Variants in REPS2 observed in about 807,000 individuals in gnomAD.
The protein encoded by REPS2 is RALBP1 associated Eps domain containing 2, also known as ralBP1-associated Eps domain-containing protein 2.
REPS2 carries 23 observed loss-of-function variants against 53.6 expected under a neutral mutation model. The observed-to-expected ratio is 0.43, with a 90% CI of 0.31 to 0.61. REPS2 has a LOEUF of 0.61. REPS2 is among the 20% of genes least tolerant of loss of function. The pLI, the probability that REPS2 is intolerant of heterozygous loss-of-function variation, is 0.11. For synonymous variants in REPS2, 238 were observed against 218.6 expected (o/e 1.09, Z -0.78); for missense variants, 446 against 534.9 (o/e 0.83, Z 1.64).
chrX:17,192,111 C>G, the REPS2 span, among the ~76,000 whole-genome samples: 4 of 112,580 alleles, frequency 3.6e-5, no homozygotes, highest in Non-Finnish European at 7.5e-5. Context: ...AAATATCTCT[C>G]TCTCTCATTT....
intron 1 of REPS2, among the ~76,000 whole-genome samples, chrX:16,964,001 A>G (rs1293422687): frequency 1.8e-5 from 2 of 108,559 alleles, no homozygotes; most frequent in African/African-American, 6.7e-5. Context: ...CCTTTGGGCA[A>G]TTTTTTTTTA....
At chrX:16,990,461 G>C (rs1412339075) in intron 1 of REPS2, among the ~76,000 whole-genome samples, 2 of 109,991 alleles carry the variant, frequency 1.8e-5, no homozygotes, top group African/African-American at 6.6e-5. Flanking sequence ...AATACAAAAA[G>C]TAGCTGGGTG....
intron 14 of REPS2, among the ~76,000 whole-genome samples, chrX:17,116,848 AT>A (rs2063063074): frequency 9.0e-6 from 1 of 111,427 alleles, no homozygotes; most frequent in African/African-American, 3.3e-5. Context: ...TGCCTTTTTT[AT>A]TTGGCTGTTC....
intron 6 of REPS2, 70 bp downstream of exon 6, chrX:17,047,552 C>T (rs1229670682): frequency 5.4e-6 from 6 of 1,113,393 alleles, no homozygotes; most frequent in Non-Finnish European, 7.3e-6. Context: ...ATCATTCACG[C>T]AAAATGAGTA....
intron 4 of REPS2, among the ~76,000 whole-genome samples, chrX:17,029,163 T>C (rs2147865695): frequency 8.9e-6 from 1 of 111,841 alleles, no homozygotes; most frequent in Non-Finnish European, 1.9e-5. Flanking sequence ...TGGAAGACAT[T>C]TACTTAGGGG....
intron 5 of REPS2, among the ~76,000 whole-genome samples, chrX:17,030,759 A>G: frequency 8.9e-6 from 1 of 112,499 alleles, no homozygotes; most frequent in Non-Finnish European, 1.9e-5. Flanking sequence ...GAGAGAGGTC[A>G]AATAGCTGGT....
At position 17,019,238 on chromosome X, in the gene REPS2, A is replaced by C. The variant is rs142203055; in HGVS notation, c.398-2885A>C. 5.8e-3 allele frequency among the ~76,000 whole-genome samples: 653 copies of C among 112,536 alleles called. 2 individuals are homozygous for C. The highest frequency in any genetic ancestry group is 0.01 in the Non-Finnish European group (539 of 53,308). On this transcript the variant is annotated intron_variant, in intron 2 of 17. Transcript: ENST00000357277. ...TTGTGGAAGGGAAAAATAGTCATTT[A>C]TGTTTAATATACAAAGCATTTCTGT... is the stretch of plus-strand genomic sequence containing the variant.
Position 16,991,882 on chromosome X carries a change from GCTGATTCT to G in REPS2, c.274-14337_274-14330del, listed in dbSNP as rs1176558626. The stretch of plus-strand genomic sequence containing the variant: ...CAAGAAGCCAGGTGAGACACATGGA[GCTGATTCT>G]CCCTCACAGCCCTTAGAAGGAACGT... On this transcript the variant is annotated intron_variant, in intron 1 of 17. Coordinates refer to ENST00000357277, the MANE Select transcript of REPS2 (RefSeq NM_004726.3). Among the ~76,000 whole-genome samples the G allele has an allele frequency of 2.7e-5, 3 of 111,535 alleles. No homozygotes were observed. The East Asian group carries it at 8.4e-4, about 31-fold the overall frequency.
chrX:17,022,996 G>A (rs2061594423), intron 3 of REPS2, among the ~76,000 whole-genome samples: 1 of 112,194 alleles, frequency 8.9e-6, no homozygotes, highest in African/African-American at 3.2e-5. Flanking sequence ...AGATCCAGAA[G>A]AAGTAAATAG....
chrX:17,061,290 G>C (rs900450011), intron 8 of REPS2, among the ~76,000 whole-genome samples: 1 of 111,641 alleles, frequency 9.0e-6, no homozygotes, highest in African/African-American at 3.3e-5. Flanking sequence ...AGATAGACAC[G>C]TAGGTAGGTA....
chrX:17,023,352 C>T (rs889450823), intron 3 of REPS2, among the ~76,000 whole-genome samples: 25 of 109,252 alleles, frequency 2.3e-4, no homozygotes, highest in African/African-American at 8.0e-4. Context: ...GGCTTGAATC[C>T]GGGAGGCGGA....
intron 1 of REPS2, 58 bp downstream of exon 1, chrX:16,947,192 A>G: frequency 1.0e-6 from 1 of 956,964 alleles, no homozygotes; most frequent in Non-Finnish European, 1.3e-6. Flanking sequence ...GCGGGGGCGG[A>G]GGTTGCGAGT....
chrX:17,191,444 T>G, the REPS2 span, among the ~76,000 whole-genome samples: 3 of 112,491 alleles, frequency 2.7e-5, no homozygotes, highest in African/African-American at 9.7e-5. Flanking sequence ...TATCAAATGT[T>G]GACTAAGATG....
rs186098908 is a variant in REPS2, at chrX:17,085,025, T to G, written c.1516+7618T>G. Among the ~76,000 whole-genome samples, 38 of 112,463 alleles carry G rather than the reference T, an allele frequency of 3.4e-4. No homozygotes were observed. In the Admixed American group the frequency reaches 3.4e-3, roughly 10 times the overall value. ...AGTTTTAGGTCTTACATTTACGTCTTCGTTCTGTTTTGAGTTAATTTTTTT... is the reference window on the plus strand; with the variant it reads ...AGTTTTAGGTCTTACATTTACGTCTGCGTTCTGTTTTGAGTTAATTTTTTT... On this transcript the variant is annotated intron_variant, in intron 13 of 17. Transcript: ENST00000357277.
intron 1 of REPS2, among the ~76,000 whole-genome samples, chrX:16,958,054 G>C (rs751118974): frequency 2.7e-4 from 30 of 112,090 alleles, no homozygotes; most frequent in Admixed American, 9.5e-4. Context: ...GGCACTGAGG[G>C]TGAGGTTCAC....
At chrX:17,164,304 A>T in the REPS2 span, among the ~76,000 whole-genome samples, 5 of 111,840 alleles carry the variant, frequency 4.5e-5, no homozygotes, top group African/African-American at 1.6e-4. Context: ...GACAGAATAG[A>T]TTACAAAAAA....
At position 17,001,142 on chromosome X, in the gene REPS2, G is replaced by C. The variant is rs539950045; in HGVS notation, c.274-5079G>C. Among the ~76,000 whole-genome samples, 10 of 112,604 alleles carry C rather than the reference G, an allele frequency of 8.9e-5. No homozygotes were observed. In the South Asian group the frequency reaches 2.2e-3, roughly 25 times the overall value. Reference sequence around the variant, plus strand: ...TTTGCATTAGTATTCTAGTTCTGTAGATGCTGATATGATTTAGCTAGACTT... The same window carrying C: ...TTTGCATTAGTATTCTAGTTCTGTACATGCTGATATGATTTAGCTAGACTT... On this transcript the variant is annotated intron_variant, in intron 1 of 17. Coordinates refer to ENST00000357277, the MANE Select transcript of REPS2 (RefSeq NM_004726.3).
chrX:17,050,199 T>TTTTCTTTTCTTTTCTTTTC lies in REPS2; in HGVS notation c.908-2180_908-2179insCTTTTCTTTTCTTTTCTTT, dbSNP rs1329968988. Among the ~76,000 whole-genome samples the TTTTCTTTTCTTTTCTTTTC allele has an allele frequency of 6.0e-4, 41 of 68,456 alleles. 1 individual carries two copies. The highest frequency in any genetic ancestry group is 9.0e-4 in the Non-Finnish European group (35 of 38,946). The allele number at this position is 68,456 out of a possible 115,157, so 59.4% of individuals were successfully genotyped here. On this transcript the variant is annotated intron_variant, in intron 6 of 17. Coordinates refer to ENST00000357277, the MANE Select transcript of REPS2 (RefSeq NM_004726.3). ...CTTTCTTTCTTTCTTTCTTTCTTTT[T>TTTTCTTTTCTTTTCTTTTC]TTTTTTTTTTTGACAGGGTCTTACT...
intron 17 of REPS2, among the ~76,000 whole-genome samples, chrX:17,143,451 G>GC (rs2063472818): frequency 9.0e-5 from 2 of 22,152 alleles, no homozygotes; most frequent in Admixed American, 7.3e-4. Flanking sequence ...CATTTGGTGG[G>GC]CCCTTTTGGA....
Sources: gnomAD v4.1 joint callset for allele counts (sites outside exome capture counted in the v4.1 genomes callset) on GRCh38, gnomAD v4.1.1 for gene constraint, MANE v1.5 for transcripts, NCBI Gene and HGNC (gene_info 2026-07-23, HGNC 2026-07-21) for gene names.